Variants in VAV3 observed in about 807,000 individuals in gnomAD.
The protein encoded by VAV3 is guanine nucleotide exchange factor VAV3.
VAV3 carries 94 observed loss-of-function variants against 131.2 expected under a neutral mutation model. The observed-to-expected ratio is 0.72, with a 90% confidence interval of 0.61 to 0.85. The LOEUF (loss-of-function observed/expected upper bound fraction) is 0.85. Ranked by LOEUF, VAV3 falls within the 40% of genes least tolerant of loss-of-function variation. The probability of loss-of-function intolerance (pLI) is 0.00; values close to 1 mark genes in which losing one functional copy is unlikely to be tolerated. For synonymous variants in VAV3, 349 were observed against 342.0 expected (o/e 1.02, Z -0.22); for missense variants, 939 against 1,002.7 (o/e 0.94, Z 0.86).
At chr1:107,962,868 G>C (rs1012459901) in intron 1 of VAV3, among the ~76,000 whole-genome samples, 2 of 152,186 alleles carry the variant, frequency 1.3e-5, no homozygotes, top group Admixed American at 1.3e-4. Context: ...CCATCTGATA[G>C]CATAGTGTAA....
intron 20 of VAV3, among the ~76,000 whole-genome samples, chr1:107,621,149 T>A (rs1221112900): frequency 6.6e-6 from 1 of 151,132 alleles, no homozygotes; most frequent in East Asian, 1.9e-4. Context: ...AGGGAAAAAA[T>A]TTCACTAAAC....
chr1:107,574,513 T>C (rs1330174927), intron 25 of VAV3, among the ~76,000 whole-genome samples: 4 of 152,248 alleles, frequency 2.6e-5, no homozygotes, highest in Non-Finnish European at 5.9e-5. Flanking sequence ...AAAAACTCGT[T>C]AATATCTAAG....
chr1:107,580,837 T>C (rs1268835380), intron 25 of VAV3, among the ~76,000 whole-genome samples: 1 of 152,226 alleles, frequency 6.6e-6, no homozygotes, highest in Non-Finnish European at 1.5e-5. Flanking sequence ...GTAAAATATA[T>C]TTCCATCCAT....
At chr1:107,573,518 C>T in intron 26 of VAV3, 146 bp from the exon 27 acceptor site, 1 of 853,186 alleles carries the variant, frequency 1.2e-6, no homozygotes, top group Non-Finnish European at 1.8e-6. Context: ...GGTTTAACTG[C>T]TCTTAGAAGC....
intron 2 of VAV3, among the ~76,000 whole-genome samples, chr1:107,814,793 G>A (rs1667494157): frequency 2.0e-5 from 3 of 152,158 alleles, no homozygotes; most frequent in African/African-American, 7.2e-5. Context: ...GAATATTCTA[G>A]CAGCAATTTG....
rs759779685 is a variant in VAV3, at chr1:107,964,674, T to C, written c.196A>G (p.Met66Val). The C allele has an allele frequency of 6.2e-7, 1 of 1,612,602 alleles. No individual in the cohort carries two copies. The highest frequency in any genetic ancestry group is 1.3e-5 in the African/African-American group (1 of 74,972). ...CGTGCCGGCCTCCTCACCTGGGACA[T>C]CTGCGGCCTCAGGTTGATCTCCTTC... ...NLKEINLRPQ[M>V]SQFLCLKNIR... is the part of the protein sequence containing the mutation. The change falls in exon 1 of 27, where the codon ATG (methionine) becomes GTG (valine). Residue 66 changes from methionine (M) to valine (V), a missense_variant. Met to Val is a conservative substitution (Grantham distance 21). Coordinates refer to ENST00000370056, the MANE Select transcript of VAV3 (RefSeq NM_006113.5).
intron 2 of VAV3, among the ~76,000 whole-genome samples, chr1:107,795,509 C>G (rs1339619211): frequency 6.6e-6 from 1 of 152,148 alleles, no homozygotes; most frequent in Non-Finnish European, 1.5e-5. Flanking sequence ...ATTATCTTCT[C>G]TCTTAACCTA....
intron 1 of VAV3, among the ~76,000 whole-genome samples, chr1:107,939,362 G>A (rs997585351): frequency 1.3e-5 from 2 of 152,142 alleles, no homozygotes; most frequent in African/African-American, 4.8e-5. Context: ...ATGATGATGT[G>A]AAAGAGGTAC....
chr1:107,766,465 A>G lies in VAV3; in HGVS notation c.803T>C (p.Phe268Ser). The change falls in exon 8 of 27, where the codon TTT becomes TCT. Residue 268 changes from phenylalanine to serine, a missense_variant. Coordinates refer to ENST00000370056, the MANE Select transcript of VAV3 (RefSeq NM_006113.5). ...AAGTTACCTTTCCTTGTAGTTAATAAAAACTTGGTACAAGTTCTGGTCATT... is the reference window on the plus strand; with the variant it reads ...AAGTTACCTTTCCTTGTAGTTAATAGAAACTTGGTACAAGTTCTGGTCATT... ...NKNDQNLYQVFINYKERLVIY... is the reference protein window; with the variant it reads ...NKNDQNLYQVSINYKERLVIY... 6.2e-7 allele frequency: 1 copy of G among 1,612,058 alleles called. No homozygotes were observed. The highest frequency in any genetic ancestry group is 8.5e-7 in the Non-Finnish European group (1 of 1,178,734).
At chr1:107,664,574 A>G (rs1657274657) in intron 19 of VAV3, among the ~76,000 whole-genome samples, 1 of 152,214 alleles carries the variant, frequency 6.6e-6, no homozygotes, top group South Asian at 2.1e-4. Flanking sequence ...TGCGCTTCCA[A>G]TTCAGTTCAA....
chr1:107,903,018 A>G (rs1671941092), intron 1 of VAV3, among the ~76,000 whole-genome samples: 1 of 152,212 alleles, frequency 6.6e-6, no homozygotes, highest in Admixed American at 6.5e-5. Context: ...TGCTAGTGTG[A>G]AAGAAATAAT....
chr1:107,596,000 A>G (rs1010185921), intron 25 of VAV3, among the ~76,000 whole-genome samples: 1 of 152,192 alleles, frequency 6.6e-6, no homozygotes, highest in African/African-American at 2.4e-5. Flanking sequence ...GGACATAAAC[A>G]TAATTTTTAA....
chr1:107,741,367 A>C (rs1037677464), intron 15 of VAV3, among the ~76,000 whole-genome samples: 4 of 152,188 alleles, frequency 2.6e-5, no homozygotes, highest in African/African-American at 9.6e-5. Flanking sequence ...TGTGGGAGGC[A>C]CTCTGTCCGG....
chr1:107,596,256 G>A lies in VAV3; in HGVS notation c.2306C>T (p.Pro769Leu). 6.2e-7 allele frequency: 1 copy of A among 1,613,534 alleles called. No homozygotes were observed. ...ACCCCTCTGTCCAGCTGAATGTTCT[G>A]GCTCCTTGTATGGAAACTGCAGAGT... ...DTTLQFPYKE[P>L]EHSAGQRGNR... The change falls in exon 25 of 27, where the codon CCA (proline) becomes CTA (leucine). Residue 769 changes from proline (P) to leucine (L), a missense_variant. Physicochemically the swap from Pro to Leu is moderately conservative, Grantham distance 98. Coordinates refer to ENST00000370056, the MANE Select transcript of VAV3 (RefSeq NM_006113.5).
chr1:107,714,215 C>T (rs988850169), intron 15 of VAV3, among the ~76,000 whole-genome samples: 2 of 152,090 alleles, frequency 1.3e-5, no homozygotes, highest in Non-Finnish European at 2.9e-5. Flanking sequence ...CCCCAGCACG[C>T]AAGACAGATA....
At chr1:107,807,006 A>T (rs1667091587) in intron 2 of VAV3, among the ~76,000 whole-genome samples, 1 of 152,212 alleles carries the variant, frequency 6.6e-6, no homozygotes, top group African/African-American at 2.4e-5. Flanking sequence ...ATTAATGACA[A>T]GGAAAAAGGA....
intron 1 of VAV3, among the ~76,000 whole-genome samples, chr1:107,905,353 A>G (rs1672052840): frequency 6.6e-6 from 1 of 152,194 alleles, no homozygotes; most frequent in African/African-American, 2.4e-5. Flanking sequence ...AGACTGGTAT[A>G]TGCGACCATA....
intron 2 of VAV3, among the ~76,000 whole-genome samples, chr1:107,823,732 A>C (rs1667896729): frequency 6.6e-6 from 1 of 152,140 alleles, no homozygotes; most frequent in African/African-American, 2.4e-5. Flanking sequence ...GAAAGTAATG[A>C]AGGTTAAATG....
chr1:107,661,745 A>G (rs1657038372), intron 19 of VAV3, among the ~76,000 whole-genome samples: 1 of 152,200 alleles, frequency 6.6e-6, no homozygotes, highest in South Asian at 2.1e-4. Flanking sequence ...CAAATATGAC[A>G]ATATGGGGCC....
Sources: allele counts gnomAD v4.1 joint callset (sites outside exome capture counted in the v4.1 genomes callset), GRCh38; gene constraint gnomAD v4.1.1; transcripts MANE v1.5; gene names NCBI Gene and HGNC (gene_info 2026-07-23, HGNC 2026-07-21).